Variants in R3HDM1 observed in about 807,000 individuals in gnomAD.
R3HDM1 encodes R3H domain-containing protein 1.
R3HDM1 carries 46 observed loss-of-function variants against 141.1 expected under a neutral mutation model. The observed-to-expected ratio is 0.33, with a 90% CI of 0.26 to 0.42. R3HDM1 has a LOEUF of 0.42. R3HDM1 is among the 10% of genes least tolerant of loss of function. The probability of loss-of-function intolerance (pLI) is 1.00; values close to 1 mark genes in which losing one functional copy is unlikely to be tolerated. For synonymous variants in R3HDM1, 435 were observed against 472.9 expected, an observed-to-expected ratio of 0.92 and a Z score of 1.04; for missense variants, 1,184 against 1,368.3, an observed-to-expected ratio of 0.87 and a Z score of 2.12.
chr2:135,630,881 A>T (rs531055300), intron 7 of R3HDM1, among the ~76,000 whole-genome samples: 19 of 152,152 alleles, frequency 1.2e-4, no homozygotes, highest in African/African-American at 3.9e-4. Flanking sequence ...TGGGTGTGTG[A>T]GCAGGGAGGT....
chr2:135,722,669 T>G, intron 26 of R3HDM1, 116 bp downstream of exon 26: 1 of 1,013,916 alleles, frequency 9.9e-7, no homozygotes, highest in Non-Finnish European at 1.4e-6. Context: ...AGTCATAATT[T>G]TTGCCATCTC....
chr2:135,718,973 G>A (rs1477235319), intron 24 of R3HDM1, among the ~76,000 whole-genome samples: 4 of 151,838 alleles, frequency 2.6e-5, no homozygotes, highest in East Asian at 3.9e-4. Flanking sequence ...GTGAAACCCC[G>A]TCTCCATTAA....
intron 1 of R3HDM1, among the ~76,000 whole-genome samples, chr2:135,539,718 T>C (rs899640467): frequency 1.3e-5 from 2 of 152,170 alleles, no homozygotes; most frequent in African/African-American, 4.8e-5. Flanking sequence ...GTGAAGAGCA[T>C]TATGTCTAAA....
chr2:135,544,633 A>G, intron 1 of R3HDM1, among the ~76,000 whole-genome samples: 1 of 152,214 alleles, frequency 6.6e-6, no homozygotes, highest in East Asian at 1.9e-4. Flanking sequence ...CTGTTGAAGA[A>G]TGAAAGAAAC....
chr2:135,710,272 T>C, intron 23 of R3HDM1, 41 bp downstream of exon 23: 2 of 1,565,144 alleles, frequency 1.3e-6, no homozygotes, highest in Non-Finnish European at 1.7e-6. Flanking sequence ...AACGTTACAT[T>C]TTTGTTACCT....
At chr2:135,638,709 A>C in intron 12 of R3HDM1, 30 bp from the exon 13 acceptor site, 3 of 1,613,570 alleles carry the variant, frequency 1.9e-6, no homozygotes, top group East Asian at 2.2e-5. Context: ...TGCTAATAAA[A>C]ATTAAAATGT....
rs1700083424 is a variant in R3HDM1 at position 135,552,904 on chromosome 2, CCTCA to C, written c.-250+21275_-250+21278del. Among the ~76,000 whole-genome samples the C allele has an allele frequency of 2.0e-5, 3 of 151,844 alleles. No individual in the cohort carries two copies. In the South Asian group the frequency reaches 6.2e-4, roughly 32 times the overall value. On this transcript the variant is annotated intron_variant, in intron 1 of 26. Transcript: ENST00000683871. ...CTTTTTTTTTTCCTCAGAGACAGGC[CCTCA>C]CTCTGTTGCCCAGGCTGAAGAGTGC...
chr2:135,618,368 G>A (rs926165969), intron 5 of R3HDM1, among the ~76,000 whole-genome samples: 2 of 151,486 alleles, frequency 1.3e-5, no homozygotes, highest in East Asian at 3.9e-4. Flanking sequence ...CACCATGTTG[G>A]CCAGGCTGGT....
intron 7 of R3HDM1, among the ~76,000 whole-genome samples, chr2:135,628,327 C>A (rs1293764319): frequency 6.6e-6 from 1 of 152,078 alleles, no homozygotes; most frequent in African/African-American, 2.4e-5. Flanking sequence ...GTTTTTTTAA[C>A]AAGTGCTACT....
intron 1 of R3HDM1, chr2:135,559,157 G>GC (rs1472977066): frequency 3.2e-6 from 2 of 623,172 alleles, no homozygotes; most frequent in African/African-American, 3.9e-5. Flanking sequence ...GGTCTCCCAG[G>GC]CTAGAGTGCA....
chr2:135,549,706 A>C (rs1699484032), intron 1 of R3HDM1, among the ~76,000 whole-genome samples: 2 of 152,172 alleles, frequency 1.3e-5, no homozygotes, highest in Admixed American at 1.3e-4. Flanking sequence ...CAGAGACAGA[A>C]AACAGGTTAG....
chr2:135,620,566 A>C, intron 5 of R3HDM1: 1 of 982,866 alleles, frequency 1.0e-6, no homozygotes, highest in Non-Finnish European at 1.2e-6. Context: ...TGAAAATAGC[A>C]GGTAGCAGTC....
rs182796571 is a variant in R3HDM1 at position 135,672,843 on chromosome 2, C to T, written c.2153-2489C>T. On this transcript the variant is annotated intron_variant, in intron 19 of 26. Transcript: ENST00000683871. Reference sequence around the variant, plus strand: ...ATACCAGGCCAGCCACGGTAGCTCTCGCCTGTAATCCCAGCACTTTGGGAG... The same window carrying T: ...ATACCAGGCCAGCCACGGTAGCTCTTGCCTGTAATCCCAGCACTTTGGGAG... Among the ~76,000 whole-genome samples, 594 of 152,208 alleles carry T rather than the reference C, an allele frequency of 3.9e-3. 9 individuals carry two copies. The highest frequency in any genetic ancestry group is 0.014 in the African/African-American group (561 of 41,512).
chr2:135,595,154 T>C (rs1710341788), intron 1 of R3HDM1, among the ~76,000 whole-genome samples: 1 of 152,208 alleles, frequency 6.6e-6, no homozygotes, highest in African/African-American at 2.4e-5. Context: ...GTCCTGAAGA[T>C]ACCTTAAAAT....
At chr2:135,621,378 G>A in intron 5 of R3HDM1, 116 bp from the exon 6 acceptor site, 1 of 533,148 alleles carries the variant, frequency 1.9e-6, no homozygotes, top group Non-Finnish European at 3.1e-6. Context: ...GAATCCAGTT[G>A]GGTAAAATAA....
intron 15 of R3HDM1, 100 bp from the exon 16 acceptor site, chr2:135,645,279 G>A (rs994951235): frequency 2.9e-6 from 3 of 1,027,362 alleles, no homozygotes; most frequent in Non-Finnish European, 4.2e-6. Flanking sequence ...TTTTAATTGT[G>A]GTTAAAGGAT....
intron 7 of R3HDM1, among the ~76,000 whole-genome samples, chr2:135,627,955 T>A (rs1221803080): frequency 2.6e-5 from 4 of 152,192 alleles, no homozygotes; most frequent in South Asian, 2.1e-4. Context: ...ACTAAAAGAT[T>A]GTTAGCCCTT....
intron 21 of R3HDM1, among the ~76,000 whole-genome samples, chr2:135,699,046 A>ATAGATAGATTG: frequency 2.7e-5 from 1 of 37,480 alleles, no homozygotes; most frequent in South Asian, 4.8e-4. Flanking sequence ...TAGATAGATA[A>ATAGATAGATTG]GATAGATAAG....
chr2:135,685,269 G>T (rs368374577), intron 21 of R3HDM1, among the ~76,000 whole-genome samples: 1 of 151,932 alleles, frequency 6.6e-6, no homozygotes, highest in Non-Finnish European at 1.5e-5. Context: ...TAGTTAACCC[G>T]TGTTTCTCTC....
Sources: gnomAD v4.1 joint callset for allele counts (sites outside exome capture counted in the v4.1 genomes callset) on GRCh38, gnomAD v4.1.1 for gene constraint, MANE v1.5 for transcripts, NCBI Gene and HGNC (gene_info 2026-07-23, HGNC 2026-07-21) for gene names.